TEAD4: variants seen among roughly 807,000 people sequenced by gnomAD.
TEAD4 encodes transcriptional enhancer factor TEF-3.
In TEAD4, 36 loss-of-function variants were observed where a neutral mutation model predicts 52.4. The ratio of observed to expected loss-of-function variants is 0.69; its 90% confidence interval spans 0.53 to 0.91. TEAD4 has a LOEUF of 0.91. TEAD4 is among the 40% of genes least tolerant of loss of function. The pLI is 0.00. For missense variants in TEAD4, 508 were observed against 583.9 expected, an observed-to-expected ratio of 0.87 and a Z score of 1.34; for synonymous variants, 220 against 231.0, an observed-to-expected ratio of 0.95 and a Z score of 0.43.
chr12:3,019,093 T>A, intron 7 of TEAD4, 22 bp from the exon 8 acceptor site: 2 of 1,613,728 alleles, frequency 1.2e-6, no homozygotes, highest in Non-Finnish European at 1.7e-6. Context: ...GGCTGACACC[T>A]CCCCTCCTCT....
In TEAD4 at chr12:3,040,440, G is replaced by C; in HGVS notation, c.1267G>C (p.Gly423Arg). 6.2e-7 allele frequency: 1 copy of C among 1,614,136 alleles called. No homozygotes were observed. The highest frequency in any genetic ancestry group is 8.5e-7 in the Non-Finnish European group (1 of 1,180,026). Reference sequence around the variant, plus strand: ...CTTTGAGGTGTCAGCCAGTGAGCACGGGGCTCAGCACCACATCTACAGGCT... The same window carrying C: ...CTTTGAGGTGTCAGCCAGTGAGCACCGGGCTCAGCACCACATCTACAGGCT... Residue 423 changes from glycine (G) to arginine (R), a missense_variant, in exon 13 of 13, where the codon GGG (glycine) becomes CGG (arginine). By Grantham distance (125) the Gly-to-Arg change is moderately radical. Coordinates refer to ENST00000359864, the MANE Select transcript of TEAD4 (RefSeq NM_003213.4).
At chr12:3,039,137 G>A (rs141483971) in intron 11 of TEAD4, among the ~76,000 whole-genome samples, 47 of 152,304 alleles carry the variant, frequency 3.1e-4, no homozygotes, top group African/African-American at 9.6e-4. Context: ...GTGCTTCTCC[G>A]CCTGGCTGCA....
At chr12:2,972,208 A>G (rs1183158244) in intron 2 of TEAD4, among the ~76,000 whole-genome samples, 1 of 152,058 alleles carries the variant, frequency 6.6e-6, no homozygotes, top group Non-Finnish European at 1.5e-5. Flanking sequence ...CCTCCTGAGT[A>G]GCTGGGACCA....
intron 10 of TEAD4, among the ~76,000 whole-genome samples, chr12:3,027,008 G>A (rs78811568): frequency 0.045 from 6,880 of 151,808 alleles, 351 homozygotes; most frequent in African/African-American, 0.13. Context: ...CCCAACCCAC[G>A]CCCAGACTAA....
chr12:3,013,524 A>G (rs992242100), intron 5 of TEAD4, among the ~76,000 whole-genome samples: 4 of 152,166 alleles, frequency 2.6e-5, no homozygotes, highest in African/African-American at 4.8e-5. Context: ...ACTTGAGGTC[A>G]GGAGTTCAAG....
chr12:3,002,288 T>C (rs186120607), intron 3 of TEAD4, among the ~76,000 whole-genome samples: 6 of 152,234 alleles, frequency 3.9e-5, no homozygotes, highest in Non-Finnish European at 7.3e-5. Context: ...TTTGTATTGC[T>C]TCTACTTTTT....
intron 2 of TEAD4, among the ~76,000 whole-genome samples, chr12:2,987,506 C>A (rs1379423617): frequency 6.6e-6 from 1 of 152,032 alleles, no homozygotes; most frequent in Non-Finnish European, 1.5e-5. Flanking sequence ...GCGATCTCAG[C>A]TCACTGCAAG....
At chr12:3,012,286 A>G (rs75596019) in intron 5 of TEAD4, 54 bp downstream of exon 5, 2 of 1,582,962 alleles carry the variant, frequency 1.3e-6, no homozygotes, top group South Asian at 1.1e-5. Flanking sequence ...GGCCAGCAGC[A>G]TATCTTCCCT....
chr12:3,032,375 G>A (rs991740641), intron 10 of TEAD4, among the ~76,000 whole-genome samples: 2 of 152,144 alleles, frequency 1.3e-5, no homozygotes, highest in African/African-American at 4.8e-5. Context: ...ACTCTGGATG[G>A]GAGGATCCAG....
At chr12:3,005,760 A>G (rs2098255440) in intron 3 of TEAD4, among the ~76,000 whole-genome samples, 1 of 152,046 alleles carries the variant, frequency 6.6e-6, no homozygotes, top group Admixed American at 6.6e-5. Context: ...TGCCCACCCA[A>G]AGTGCTGGAA....
At chr12:3,007,775 TAA>T in intron 3 of TEAD4, among the ~76,000 whole-genome samples, 1 of 152,358 alleles carries the variant, frequency 6.6e-6, no homozygotes, top group South Asian at 2.1e-4. Context: ...TCCCAATTGC[TAA>T]ATGTCTTAGG....
At chr12:2,969,550 A>C (rs1237119962) in intron 2 of TEAD4, among the ~76,000 whole-genome samples, 1 of 152,188 alleles carries the variant, frequency 6.6e-6, no homozygotes, top group East Asian at 1.9e-4. Flanking sequence ...TGCTTCCTCG[A>C]AGATTTTGTG....
chr12:2,992,196 T>G (rs1348084552), intron 2 of TEAD4, among the ~76,000 whole-genome samples: 2 of 151,956 alleles, frequency 1.3e-5, no homozygotes, highest in Non-Finnish European at 2.9e-5. Context: ...TTTTTTTATT[T>G]TTAGTAGAGG....
chr12:2,989,632 G>A (rs2098241470), intron 2 of TEAD4, among the ~76,000 whole-genome samples: 1 of 151,952 alleles, frequency 6.6e-6, no homozygotes, highest in South Asian at 2.1e-4. Context: ...AGAGACAGGG[G>A]TCTCACTATG....
chr12:2,968,385 C>CAT (rs1373151339), intron 2 of TEAD4, among the ~76,000 whole-genome samples: 1 of 55,046 alleles, frequency 1.8e-5, no homozygotes, highest in Non-Finnish European at 3.2e-5. Flanking sequence ...CGCGCCCGGC[C>CAT]TTTTTTTTTT....
intron 3 of TEAD4, among the ~76,000 whole-genome samples, chr12:3,004,630 G>A (rs924567561): frequency 6.6e-6 from 1 of 152,184 alleles, no homozygotes; most frequent in Non-Finnish European, 1.5e-5. Flanking sequence ...GTGGATGACA[G>A]TACCACCCTC....
intron 3 of TEAD4, among the ~76,000 whole-genome samples, chr12:3,002,292 A>G (rs1017189801): frequency 2.0e-5 from 3 of 152,120 alleles, no homozygotes; most frequent in Admixed American, 6.5e-5. Flanking sequence ...TATTGCTTCT[A>G]CTTTTTGACT....
intron 3 of TEAD4, among the ~76,000 whole-genome samples, chr12:2,996,212 C>T (rs956668826): frequency 6.6e-6 from 1 of 152,004 alleles, no homozygotes; most frequent in African/African-American, 2.4e-5. Context: ...CAGGATGGCC[C>T]CAGACCAGCT....
chr12:2,991,853 G>A (rs190241239), intron 2 of TEAD4, among the ~76,000 whole-genome samples: 141 of 151,884 alleles, frequency 9.3e-4, no homozygotes, highest in African/African-American at 3.3e-3. Flanking sequence ...CACTAAAAAG[G>A]CCAGTGACTC....
Sources: gnomAD v4.1 joint callset for allele counts (sites outside exome capture counted in the v4.1 genomes callset) on GRCh38, gnomAD v4.1.1 for gene constraint, MANE v1.5 for transcripts, NCBI Gene and HGNC (gene_info 2026-07-23, HGNC 2026-07-21) for gene names.